MAF: variants seen among roughly 807,000 people sequenced by gnomAD.
The protein encoded by MAF is transcription factor Maf.
Under a neutral mutation model 22.0 loss-of-function variants are expected in MAF, and 10 were observed. The observed-to-expected ratio is 0.45, with a 90% CI of 0.28 to 0.77. The LOEUF is 0.77. Ranked by LOEUF, MAF falls within the 30% of genes least tolerant of loss-of-function variation. MAF has a pLI of 0.12. For synonymous variants in MAF, 337 were observed against 255.8 expected (o/e 1.32, Z -3.03); for missense variants, 544 against 548.4 (o/e 0.99, Z 0.08).
At chr16:79,332,694 C>T in the MAF span, among the ~76,000 whole-genome samples, 1 of 152,236 alleles carries the variant, frequency 6.6e-6, no homozygotes, top group East Asian at 1.9e-4. Context: ...ACAGCAATGT[C>T]ATGAGCGCAG....
At chr16:79,335,307 T>A in the MAF span, among the ~76,000 whole-genome samples, 1 of 152,308 alleles carries the variant, frequency 6.6e-6, no homozygotes, top group East Asian at 1.9e-4. Flanking sequence ...TCATTCTTTA[T>A]GCAATTTCTA....
chr16:79,362,258 T>C, the MAF span, among the ~76,000 whole-genome samples: 2 of 152,208 alleles, frequency 1.3e-5, no homozygotes, highest in African/African-American at 2.4e-5. Flanking sequence ...TGCTTGTCTG[T>C]TGTTTGTGTT....
At chr16:79,404,559 C>T in the MAF span, among the ~76,000 whole-genome samples, 7 of 152,178 alleles carry the variant, frequency 4.6e-5, no homozygotes, top group African/African-American at 1.7e-4. Flanking sequence ...CTGCACTTTA[C>T]TTACCGCATG....
At chr16:79,507,657 C>A in the MAF span, among the ~76,000 whole-genome samples, 2 of 152,070 alleles carry the variant, frequency 1.3e-5, no homozygotes, top group Admixed American at 1.3e-4. Flanking sequence ...GATCTCCTGA[C>A]CTCGTGATCC....
the MAF span, among the ~76,000 whole-genome samples, chr16:79,427,069 G>C: frequency 6.6e-6 from 1 of 152,228 alleles, no homozygotes; most frequent in African/African-American, 2.4e-5. Context: ...GAAAAGTCCA[G>C]AGTGACGCTC....
At chr16:79,327,780 A>G in the MAF span, among the ~76,000 whole-genome samples, 1 of 152,172 alleles carries the variant, frequency 6.6e-6, no homozygotes, top group Non-Finnish European at 1.5e-5. Context: ...TGAGGAAGAT[A>G]CTCTTAGAAG....
chr16:79,575,132 T>C, the MAF span, among the ~76,000 whole-genome samples: 9 of 151,934 alleles, frequency 5.9e-5, no homozygotes, highest in African/African-American at 2.2e-4. Context: ...CACAAACCAG[T>C]CTTTAGATTC....
At chr16:79,305,112 A>T in the MAF span, among the ~76,000 whole-genome samples, 1 of 152,222 alleles carries the variant, frequency 6.6e-6, no homozygotes, top group Non-Finnish European at 1.5e-5. Flanking sequence ...TTGTATTAGA[A>T]CGTCCAAAGA....
chr16:79,238,927 G>T, the MAF span, among the ~76,000 whole-genome samples: 341 of 151,940 alleles, frequency 2.2e-3, 2 homozygotes, highest in African/African-American at 7.4e-3. Context: ...ATCTCATGGT[G>T]GGGTAACCAC....
chr16:79,584,450 C>T (rs1912718822), downstream of MAF, among the ~76,000 whole-genome samples: 1 of 152,220 alleles, frequency 6.6e-6, no homozygotes, highest in Non-Finnish European at 1.5e-5. Context: ...TCCTTGCTCT[C>T]ACCTGTCAAT....
At chr16:79,399,563 T>G in the MAF span, among the ~76,000 whole-genome samples, 5 of 152,172 alleles carry the variant, frequency 3.3e-5, no homozygotes, top group African/African-American at 4.8e-5. Flanking sequence ...TTTCCATTTT[T>G]CAACTAATTT....
the MAF span, among the ~76,000 whole-genome samples, chr16:79,511,463 G>T: frequency 6.6e-6 from 1 of 151,994 alleles, no homozygotes; most frequent in Non-Finnish European, 1.5e-5. Flanking sequence ...GACTGCCCAG[G>T]AAAGTTTTAT....
chr16:79,331,501 T>C, the MAF span, among the ~76,000 whole-genome samples: 61 of 152,304 alleles, frequency 4.0e-4, 1 homozygote, highest in African/African-American at 1.4e-3. Flanking sequence ...GGTTTCCTCA[T>C]CTGTAAAATG....
the MAF span, among the ~76,000 whole-genome samples, chr16:79,274,040 C>T: frequency 2.7e-5 from 4 of 149,688 alleles, no homozygotes; most frequent in Non-Finnish European, 5.9e-5. Context: ...CTGCAACTTC[C>T]ACCTCCCAGG....
At chr16:79,480,991 C>T in the MAF span, among the ~76,000 whole-genome samples, 1 of 152,162 alleles carries the variant, frequency 6.6e-6, no homozygotes, top group Non-Finnish European at 1.5e-5. Flanking sequence ...TCCACGTCCC[C>T]TCGCTCCACT....
the MAF span, among the ~76,000 whole-genome samples, chr16:79,561,789 G>T: frequency 1.3e-5 from 2 of 152,202 alleles, no homozygotes; most frequent in South Asian, 4.1e-4. Flanking sequence ...AATGGACTGA[G>T]AAGAGAGGAG....
chr16:79,232,494 C>A, the MAF span, among the ~76,000 whole-genome samples: 1 of 151,926 alleles, frequency 6.6e-6, no homozygotes, highest in East Asian at 1.9e-4. Flanking sequence ...AGTCTTGATA[C>A]AACATAATAT....
At chr16:79,477,418 G>A in the MAF span, among the ~76,000 whole-genome samples, 2 of 152,134 alleles carry the variant, frequency 1.3e-5, no homozygotes, top group Non-Finnish European at 2.9e-5. Flanking sequence ...CAGCCTCCAC[G>A]AGCCTGGCTG....
chr16:79,598,168 T>A, intron 1 of MAF: 6 of 1,051,600 alleles, frequency 5.7e-6, no homozygotes, highest in Non-Finnish European at 6.9e-6. Context: ...AACTTTGCTT[T>A]TTTTTTTCTT....
Sources: gnomAD v4.1 joint callset for allele counts (sites outside exome capture counted in the v4.1 genomes callset) on GRCh38, gnomAD v4.1.1 for gene constraint, MANE v1.5 for transcripts, NCBI Gene and HGNC (gene_info 2026-07-23, HGNC 2026-07-21) for gene names.